Variants in RELN observed in about 807,000 individuals in gnomAD.
RELN encodes the protein reelin.
In RELN, 108 loss-of-function variants were observed where a neutral mutation model predicts 427.6. The observed-to-expected ratio is 0.25, with a 90% CI of 0.22 to 0.30. The LOEUF (loss-of-function observed/expected upper bound fraction) is 0.30, where lower values mean the gene tolerates loss of function less well. Among genes scored for constraint, RELN ranks in the 10% least tolerant of loss-of-function variants. The probability of loss-of-function intolerance (pLI) is 1.00; values close to 1 mark genes in which losing one functional copy is unlikely to be tolerated. For missense variants in RELN, 3,715 were observed against 4,302.8 expected, an observed-to-expected ratio of 0.86 and a Z score of 3.82; for synonymous variants, 1,524 against 1,513.4, an observed-to-expected ratio of 1.01 and a Z score of -0.16.
At chr7:103,769,017 T>C (rs948026492) in intron 4 of RELN, among the ~76,000 whole-genome samples, 1 of 152,180 alleles carries the variant, frequency 6.6e-6, no homozygotes, top group Non-Finnish European at 1.5e-5. Context: ...AAATTAAACA[T>C]TCACAATTTT....
chr7:103,853,765 T>C (rs1793879085), intron 2 of RELN, among the ~76,000 whole-genome samples: 1 of 152,020 alleles, frequency 6.6e-6, no homozygotes. Context: ...GAGTTTATTA[T>C]ATAATTTGTA....
intron 53 of RELN, among the ~76,000 whole-genome samples, chr7:103,500,022 G>A (rs1227848128): frequency 1.3e-5 from 2 of 152,188 alleles, no homozygotes; most frequent in East Asian, 1.9e-4. Context: ...AAACACAAAT[G>A]ACAGAACAGG....
chr7:103,696,868 C>G (rs1457650290), intron 10 of RELN, among the ~76,000 whole-genome samples: 1 of 152,148 alleles, frequency 6.6e-6, no homozygotes, highest in Admixed American at 6.6e-5. Context: ...CTATCACCTT[C>G]AAGATAAAAA....
chr7:103,897,898 AC>A (rs1794996812), intron 2 of RELN, among the ~76,000 whole-genome samples: 1 of 152,124 alleles, frequency 6.6e-6, no homozygotes, highest in South Asian at 2.1e-4. Context: ...ATCAAGACCC[AC>A]ATAAGTACTT....
At chr7:103,804,271 C>A (rs1250767322) in intron 3 of RELN, among the ~76,000 whole-genome samples, 1 of 152,064 alleles carries the variant, frequency 6.6e-6, no homozygotes, top group East Asian at 1.9e-4. Context: ...GTCTAACATA[C>A]CTGCATGATT....
intron 3 of RELN, among the ~76,000 whole-genome samples, chr7:103,801,642 A>G (rs1792469153): frequency 6.6e-6 from 1 of 152,024 alleles, no homozygotes; most frequent in Non-Finnish European, 1.5e-5. Flanking sequence ...TGATGGGTTG[A>G]TGGATGCAGC....
intron 7 of RELN, among the ~76,000 whole-genome samples, chr7:103,726,488 A>G (rs1790215395): frequency 6.6e-6 from 1 of 152,164 alleles, no homozygotes; most frequent in African/African-American, 2.4e-5. Context: ...ATAAAACACA[A>G]TTCAAAATTA....
At chr7:103,737,962 T>C (rs1790536113) in intron 6 of RELN, among the ~76,000 whole-genome samples, 1 of 151,960 alleles carries the variant, frequency 6.6e-6, no homozygotes, top group Non-Finnish European at 1.5e-5. Flanking sequence ...TTTCTTGATG[T>C]TTCACATCTC....
intron 6 of RELN, among the ~76,000 whole-genome samples, chr7:103,740,785 A>G (rs1790625339): frequency 6.6e-6 from 1 of 152,238 alleles, no homozygotes; most frequent in African/African-American, 2.4e-5. Flanking sequence ...TACAGACATA[A>G]CTAGTTTCTT....
intron 24 of RELN, among the ~76,000 whole-genome samples, chr7:103,597,791 C>CAGT (rs1831572453): frequency 1.3e-5 from 2 of 152,060 alleles, no homozygotes; most frequent in Non-Finnish European, 2.9e-5. Context: ...TTAGTGAGTC[C>CAGT]CCTGCAGGTC....
chr7:103,843,627 A>G (rs995694710), intron 2 of RELN, among the ~76,000 whole-genome samples: 2 of 152,144 alleles, frequency 1.3e-5, no homozygotes, highest in African/African-American at 4.8e-5. Flanking sequence ...TTTTCTCCAA[A>G]TGCCTAAATT....
At chr7:103,566,851 A>G in intron 31 of RELN, 92 bp from the exon 32 acceptor site, 1 of 1,237,058 alleles carries the variant, frequency 8.1e-7, no homozygotes, top group Non-Finnish European at 1.2e-6. Context: ...AGCAACCTCA[A>G]ATTGTGTCTC....
intron 1 of RELN, among the ~76,000 whole-genome samples, chr7:103,959,410 T>G (rs543235071): frequency 4.6e-5 from 7 of 152,320 alleles, no homozygotes; most frequent in African/African-American, 1.4e-4. Flanking sequence ...TTCCAGACTT[T>G]TCAACACCTG....
chr7:103,814,104 A>G (rs1045880104), intron 3 of RELN, among the ~76,000 whole-genome samples: 2 of 152,150 alleles, frequency 1.3e-5, no homozygotes, highest in Non-Finnish European at 2.9e-5. Flanking sequence ...CTGAGCTGCA[A>G]TCCTGCACTT....
chr7:103,674,929 C>CAT, intron 11 of RELN, among the ~76,000 whole-genome samples: 1 of 152,272 alleles, frequency 6.6e-6, no homozygotes, highest in South Asian at 2.1e-4. Flanking sequence ...CAGCCAATAT[C>CAT]ATACTGAATG....
rs145258175 is a variant in RELN, at chr7:103,481,734, T to G, written c.10280+1139A>C. On this transcript the variant is annotated intron_variant, in intron 63 of 64. Transcript: ENST00000428762. ...TTTGGAAATCTCTCTATGGCCTTAC[T>G]GTACATAGATTCATTTCAGCACCCA... Among the ~76,000 whole-genome samples, 10 of 152,356 alleles carry G rather than the reference T, an allele frequency of 6.6e-5. No individual in the cohort carries two copies. The East Asian group carries it at 1.9e-3, about 29-fold the overall frequency.
intron 1 of RELN, among the ~76,000 whole-genome samples, chr7:103,964,921 C>T (rs2064476717): frequency 6.6e-6 from 1 of 152,146 alleles, no homozygotes; most frequent in South Asian, 2.1e-4. Context: ...TAACTTAGGA[C>T]AAGTTACCTA....
At chr7:103,596,378 T>C (rs1831537026) in intron 25 of RELN, 78 bp downstream of exon 25, 1 of 1,290,658 alleles carries the variant, frequency 7.7e-7, no homozygotes, top group Non-Finnish European at 1.1e-6. Context: ...ACAGTTAACA[T>C]TTTGGAAACA....
rs540485699 is a variant in RELN, at chr7:103,771,536, G to T, written c.544+5021C>A. 4.1e-4 allele frequency among the ~76,000 whole-genome samples: 63 copies of T among 152,310 alleles called. No individual in the cohort carries two copies. The South Asian group carries it at 0.012, about 30-fold the overall frequency. On this transcript the variant is annotated intron_variant, in intron 4 of 64. Transcript: ENST00000428762. ...TGACAGGCCCCCTTCTCAGCAGGCTGCTGGAGAACTCTGCAACTCCCTCAG... is the reference window on the plus strand; with the variant it reads ...TGACAGGCCCCCTTCTCAGCAGGCTTCTGGAGAACTCTGCAACTCCCTCAG...
Sources: allele counts gnomAD v4.1 joint callset (sites outside exome capture counted in the v4.1 genomes callset), GRCh38; gene constraint gnomAD v4.1.1; transcripts MANE v1.5; gene names NCBI Gene and HGNC (gene_info 2026-07-23, HGNC 2026-07-21).